GRIN2B: variants seen among roughly 807,000 people sequenced by gnomAD.
The protein encoded by GRIN2B is glutamate receptor ionotropic, NMDA 2B.
GRIN2B carries 5 observed loss-of-function variants against 114.5 expected under a neutral mutation model. The observed-to-expected ratio is 0.04, with a 90% CI of 0.02 to 0.09. The LOEUF is 0.09. Ranked by LOEUF, GRIN2B falls within the 10% of genes least tolerant of loss-of-function variation. GRIN2B has a pLI of 1.00. For missense variants in GRIN2B, 1,108 were observed against 1,943.5 expected (o/e 0.57, Z 8.08); for synonymous variants, 787 against 745.1 (o/e 1.06, Z -0.92).
intron 5 of GRIN2B, among the ~76,000 whole-genome samples, chr12:13,623,500 C>A (rs767044146): frequency 6.6e-6 from 1 of 152,224 alleles, no homozygotes; most frequent in Non-Finnish European, 1.5e-5. Context: ...AGGAATGAAA[C>A]ACAATATCTT....
intron 5 of GRIN2B, among the ~76,000 whole-genome samples, chr12:13,635,847 A>T (rs1949661730): frequency 6.6e-6 from 1 of 152,164 alleles, no homozygotes; most frequent in African/African-American, 2.4e-5. Context: ...CACATGTGTA[A>T]TTAGAATATA....
chr12:13,614,463 C>A (rs1949409362), intron 8 of GRIN2B, among the ~76,000 whole-genome samples: 1 of 152,030 alleles, frequency 6.6e-6, no homozygotes. Context: ...TATGAGCTCA[C>A]AAAAGACCTC....
rs1565455844 is a variant in GRIN2B at position 13,567,113 on chromosome 12, A to G, written c.2510T>C (p.Ile837Thr). The G allele has an allele frequency of 6.2e-7, 1 of 1,614,196 alleles. No homozygotes were observed. Among genetic ancestry groups the G allele is most frequent in the Non-Finnish European group, 8.5e-7 (1 of 1,180,010 alleles). The change falls in exon 13 of 14, where the codon ATC (isoleucine) becomes ACC (threonine). Residue 837 changes from isoleucine to threonine, a missense_variant. By Grantham distance (89) the Ile-to-Thr change is moderately conservative (BLOSUM62 -1). Transcript: ENST00000609686. The stretch of plus-strand genomic sequence containing the variant: ...CTGCCAATAGAAAAGGTGTTCGCAG[A>G]TGAAGGTGATGAGGCTGAGAGCCAT... ...AAMALSLITFICEHLFYWQFR... is the reference protein window; with the variant it reads ...AAMALSLITFTCEHLFYWQFR...
At chr12:13,751,985 G>A (rs1216494237) in intron 4 of GRIN2B, among the ~76,000 whole-genome samples, 2 of 152,084 alleles carry the variant, frequency 1.3e-5, no homozygotes, top group East Asian at 3.9e-4. Flanking sequence ...CAATACCTAG[G>A]GATGATGGAA....
At chr12:13,651,791 G>A (rs1591659450) in intron 5 of GRIN2B, among the ~76,000 whole-genome samples, 2 of 152,080 alleles carry the variant, frequency 1.3e-5, no homozygotes, top group Non-Finnish European at 1.5e-5. Flanking sequence ...TGTCCATGAG[G>A]TTTGAACAGA....
In GRIN2B at chr12:13,676,810, G is replaced by A. The variant is rs540035979; in HGVS notation, c.1011-951C>T. 1.2e-4 allele frequency among the ~76,000 whole-genome samples: 19 copies of A among 152,242 alleles called. No homozygotes were observed. The South Asian group carries it at 3.9e-3, about 32-fold the overall frequency. On this transcript the variant is annotated intron_variant, in intron 4 of 13. Coordinates refer to ENST00000609686, the MANE Select transcript of GRIN2B (RefSeq NM_000834.5). ...AAGCAGGGATCTGATATGACAGGAT[G>A]CATCTGGAAATCAGGGCTATTACAC...
chr12:13,845,131 G>A (rs952150433), intron 3 of GRIN2B, among the ~76,000 whole-genome samples: 1 of 152,174 alleles, frequency 6.6e-6, no homozygotes, highest in African/African-American at 2.4e-5. Flanking sequence ...CCTGTGAGTA[G>A]TTGGGACACA....
At chr12:13,928,587 A>G (rs147791663) in intron 2 of GRIN2B, among the ~76,000 whole-genome samples, 1 of 152,254 alleles carries the variant, frequency 6.6e-6, no homozygotes, top group East Asian at 1.9e-4. Context: ...AAAAGTGGCT[A>G]AAGCTTAGAA....
chr12:13,690,191 T>C (rs1478190760), intron 4 of GRIN2B, among the ~76,000 whole-genome samples: 2 of 152,070 alleles, frequency 1.3e-5, no homozygotes, highest in Non-Finnish European at 2.9e-5. Context: ...ATAATACTTA[T>C]TGATTTGTTT....
At chr12:13,806,999 C>CAA (rs1040093421) in intron 3 of GRIN2B, among the ~76,000 whole-genome samples, 1 of 143,948 alleles carries the variant, frequency 6.9e-6, no homozygotes, top group African/African-American at 2.5e-5. Context: ...GACTCCATCT[C>CAA]AAAAAAAAAA....
chr12:13,670,068 A>G lies in GRIN2B; in HGVS notation c.1125+5677T>C, dbSNP rs559259028. 1.8e-3 allele frequency among the ~76,000 whole-genome samples: 276 copies of G among 150,962 alleles called. 2 individuals are homozygous for G. The South Asian group carries it at 0.025, about 14-fold the overall frequency. ...GTCTCCCTTTTCTCGGTTTGGTTGCACTCCTTCCCTCCAGTTGATCCATCC... is the reference window on the plus strand; with the variant it reads ...GTCTCCCTTTTCTCGGTTTGGTTGCGCTCCTTCCCTCCAGTTGATCCATCC... On this transcript the variant is annotated intron_variant, in intron 5 of 13. Coordinates refer to ENST00000609686, the MANE Select transcript of GRIN2B (RefSeq NM_000834.5).
At chr12:13,922,824 T>A in intron 2 of GRIN2B, among the ~76,000 whole-genome samples, 1 of 152,184 alleles carries the variant, frequency 6.6e-6, no homozygotes, top group East Asian at 1.9e-4. Flanking sequence ...CATGGAATTG[T>A]CAAACAACAT....
chr12:13,927,503 G>T (rs1866938738), intron 2 of GRIN2B, among the ~76,000 whole-genome samples: 1 of 152,080 alleles, frequency 6.6e-6, no homozygotes, highest in African/African-American at 2.4e-5. Flanking sequence ...AGCAGATGTG[G>T]CTGTGTTCCA....
At chr12:13,715,720 A>T (rs1950449266) in intron 4 of GRIN2B, among the ~76,000 whole-genome samples, 1 of 151,954 alleles carries the variant, frequency 6.6e-6, no homozygotes. Context: ...GATCTTTCAA[A>T]TGAGTATTTT....
chr12:13,563,136 C>T lies in GRIN2B; in HGVS notation c.4102G>A (p.Gly1368Ser), dbSNP rs1043559346. The T allele has an allele frequency of 2.5e-6, 4 of 1,614,072 alleles. No homozygotes were observed. The highest frequency in any genetic ancestry group is 3.4e-6 in the Non-Finnish European group (4 of 1,180,054). ...GACTTGCTGAGCATGTACCCGCCGC[C>T]GGGGTTGTTGTGGTGGTGATGTCCG... ...TAGHHHHNNP[G>S]GGYMLSKSLY... is the part of the protein sequence containing the mutation. Residue 1368 changes from glycine (G) to serine (S), a missense_variant, in exon 14 of 14, where the codon GGC (glycine) becomes AGC (serine). Transcript: ENST00000609686.
At chr12:13,952,528 C>T (rs566099303) in intron 2 of GRIN2B, among the ~76,000 whole-genome samples, 4 of 152,300 alleles carry the variant, frequency 2.6e-5, no homozygotes, top group African/African-American at 9.6e-5. Context: ...TGTGTTTCCT[C>T]TCTCCTTCCT....
chr12:13,866,296 A>C, intron 2 of GRIN2B, 70 bp from the exon 3 acceptor site: 1 of 1,351,672 alleles, frequency 7.4e-7, no homozygotes, highest in Non-Finnish European at 1.0e-6. Flanking sequence ...AAGAGGCTAG[A>C]TACTGCAATT....
chr12:13,729,382 G>C (rs141555879), intron 4 of GRIN2B, among the ~76,000 whole-genome samples: 7 of 152,040 alleles, frequency 4.6e-5, no homozygotes, highest in Non-Finnish European at 8.8e-5. Context: ...TCTTCCTTCT[G>C]TCTCTCCCGT....
intron 3 of GRIN2B, among the ~76,000 whole-genome samples, chr12:13,851,851 G>A (rs577035485): frequency 3.0e-4 from 46 of 152,314 alleles, no homozygotes; most frequent in African/African-American, 1.0e-3. Context: ...GGAGATGGAA[G>A]GGGTATGCAG....
Sources: gnomAD v4.1 joint callset for allele counts (sites outside exome capture counted in the v4.1 genomes callset) on GRCh38, gnomAD v4.1.1 for gene constraint, MANE v1.5 for transcripts, NCBI Gene and HGNC (gene_info 2026-07-23, HGNC 2026-07-21) for gene names.